The following ZNF827 variants were observed in gnomAD, a reference collection of about 807,000 sequenced individuals.
ZNF827 encodes the protein zinc finger protein 827.
Under a neutral mutation model 102.4 loss-of-function variants are expected in ZNF827, and 13 were observed. The observed-to-expected ratio is 0.13, with a 90% CI of 0.08 to 0.20. The LOEUF is 0.20. Among genes scored for constraint, ZNF827 ranks in the 10% least tolerant of loss-of-function variants. ZNF827 has a pLI of 1.00. For missense variants in ZNF827, 1,103 were observed against 1,344.4 expected (o/e 0.82, Z 2.81); for synonymous variants, 523 against 536.2 (o/e 0.98, Z 0.34).
At chr4:145,883,143 A>C (rs1183250883) in intron 4 of ZNF827, among the ~76,000 whole-genome samples, 2 of 152,130 alleles carry the variant, frequency 1.3e-5, no homozygotes, top group Non-Finnish European at 2.9e-5. Flanking sequence ...GCATTGCCAC[A>C]GTCACCAAGT....
chr4:145,760,835 G>C lies in ZNF827; in HGVS notation c.*781C>G, dbSNP rs546723275. Reference sequence around the variant, plus strand: ...AGATAGGCCAGGAAGGAGTGTTTGGGTGAGGGGATGCTGGGAGGCGCAGTC... The same window carrying C: ...AGATAGGCCAGGAAGGAGTGTTTGGCTGAGGGGATGCTGGGAGGCGCAGTC... On this transcript the variant is annotated 3_prime_UTR_variant, in exon 15 of 15. Transcript: ENST00000508784. 5 of 1,205,082 alleles carry C rather than the reference G, an allele frequency of 4.1e-6. No individual in the cohort carries two copies. In the South Asian group the frequency reaches 6.0e-5, roughly 15 times the overall value. The allele number at this position is 1,205,082 out of a possible 1,614,324, so 74.6% of individuals were successfully genotyped here. A position where few individuals can be genotyped will look rare whatever the true frequency, so the allele number is the denominator to read the frequency against.
chr4:145,872,262 A>C (rs1330018433), intron 4 of ZNF827, among the ~76,000 whole-genome samples: 2 of 152,238 alleles, frequency 1.3e-5, no homozygotes, highest in East Asian at 3.9e-4. Context: ...AAATGAGGTC[A>C]TAAGAGTGGA....
chr4:145,766,780 C>A (rs1439333787), intron 11 of ZNF827, among the ~76,000 whole-genome samples: 1 of 152,116 alleles, frequency 6.6e-6, no homozygotes, highest in African/African-American at 2.4e-5. Context: ...AGAAATAATG[C>A]CTGTTTCCAC....
intron 2 of ZNF827, among the ~76,000 whole-genome samples, chr4:145,893,105 G>A (rs1750731815): frequency 6.6e-6 from 1 of 152,142 alleles, no homozygotes; most frequent in Non-Finnish European, 1.5e-5. Flanking sequence ...TCCTCTGCAC[G>A]GTGACTGGGC....
chr4:145,848,948 T>TAGTTTGGGTGG (rs1746250504), intron 6 of ZNF827, among the ~76,000 whole-genome samples: 8 of 152,166 alleles, frequency 5.3e-5, no homozygotes, highest in African/African-American at 1.7e-4. Flanking sequence ...TCATAGTAAT[T>TAGTTTGGGTGG]CAGTCACTGT....
chr4:145,776,751 A>G lies in ZNF827; in HGVS notation c.2522-791T>C, dbSNP rs200825426. Among the ~76,000 whole-genome samples, 3 of 152,240 alleles carry G rather than the reference A, an allele frequency of 2.0e-5. No homozygotes were observed. The East Asian group carries it at 5.8e-4, about 29-fold the overall frequency. ...CTAAGCTCCTGGCCTGGGTCGGCCA[A>G]GAAATAAAAAAACTAATGAAATTAA... On this transcript the variant is annotated intron_variant, in intron 9 of 14. Transcript: ENST00000508784.
At chr4:145,916,522 C>A (rs1266411780) in intron 1 of ZNF827, among the ~76,000 whole-genome samples, 1 of 152,152 alleles carries the variant, frequency 6.6e-6, no homozygotes, top group Non-Finnish European at 1.5e-5. Context: ...GGAAGGGGAG[C>A]ACTGGTGATT....
chr4:145,796,623 CTTTTTTTTT>C (rs34553120), intron 8 of ZNF827, among the ~76,000 whole-genome samples: 3 of 113,928 alleles, frequency 2.6e-5, no homozygotes, highest in African/African-American at 1.1e-4. Context: ...ATTTGTTCCT[CTTTTTTTTT>C]TTTTTTTTTT....
chr4:145,797,889 T>C (rs980702047), intron 8 of ZNF827, among the ~76,000 whole-genome samples: 1 of 152,212 alleles, frequency 6.6e-6, no homozygotes, highest in Admixed American at 6.5e-5. Context: ...TGGCCCAAGT[T>C]AGTCTGAATA....
rs185469200 is a variant in ZNF827 at position 145,856,310 on chromosome 4, T to C, written c.1982-6749A>G. ...GTGTCTCCAGCCAAGACAAGTTTTA[T>C]GTTCTATAAAGGATCGGCTTATTAT... On this transcript the variant is annotated intron_variant, in intron 5 of 14. Coordinates refer to ENST00000508784, the MANE Select transcript of ZNF827 (RefSeq NM_001306215.2). Among the ~76,000 whole-genome samples the C allele has an allele frequency of 1.8e-3, 271 of 152,332 alleles. 1 individual carries two copies. The highest frequency in any genetic ancestry group is 6.1e-3 in the African/African-American group (254 of 41,584).
Position 145,902,043 on chromosome 4 carries a change from C to CTTACTTAAAGTA in ZNF827, c.1093+122_1093+123insTACTTTAAGTAA. The CTTACTTAAAGTA allele has an allele frequency of 7.9e-7, 1 of 1,272,104 alleles. No homozygotes were observed. 78.8% of individuals were successfully genotyped at this position (1,272,104 alleles called of 1,614,324 possible). A position where few individuals can be genotyped will look rare whatever the true frequency, so the allele number is the denominator to read the frequency against. ...GCTTACTTAAAGTATTTTTGTTGTGCTCTTGCTTTTTTATTCCTGCCTCAG... is the reference window on the plus strand; with the variant it reads ...GCTTACTTAAAGTATTTTTGTTGTGCTTACTTAAAGTATCTTGCTTTTTTATTCCTGCCTCAG... On this transcript the variant is annotated intron_variant, in intron 2 of 14. Transcript: ENST00000508784. The surrounding 1 kb of genome is among the most constrained non-coding windows in gnomAD (Gnocchi z 4.3).
chr4:145,905,167 T>A (rs1751743632), intron 1 of ZNF827, among the ~76,000 whole-genome samples: 1 of 152,240 alleles, frequency 6.6e-6, no homozygotes, highest in African/African-American at 2.4e-5. Context: ...ATCTACATAT[T>A]CCACACTGTG....
chr4:145,854,708 G>T (rs536686276), intron 5 of ZNF827, among the ~76,000 whole-genome samples: 24 of 152,256 alleles, frequency 1.6e-4, no homozygotes, highest in Non-Finnish European at 3.4e-4. Flanking sequence ...CTTATCTTTT[G>T]TTATGTGCTC....
intron 5 of ZNF827, among the ~76,000 whole-genome samples, chr4:145,864,241 A>T (rs992687092): frequency 2.0e-5 from 3 of 151,786 alleles, no homozygotes; most frequent in Admixed American, 2.0e-4. Flanking sequence ...CATTAAAATC[A>T]GTCTAGAAAT....
chr4:145,862,898 G>C (rs1344203992), intron 5 of ZNF827, among the ~76,000 whole-genome samples: 1 of 152,044 alleles, frequency 6.6e-6, no homozygotes, highest in Non-Finnish European at 1.5e-5. Context: ...AGATAAAATG[G>C]ACCTCATCAA....
At chr4:145,821,569 T>C (rs1474235208) in intron 8 of ZNF827, among the ~76,000 whole-genome samples, 1 of 151,878 alleles carries the variant, frequency 6.6e-6, no homozygotes, top group Admixed American at 6.5e-5. Context: ...ACAAAAAAAG[T>C]CTTTTTTTTT....
At chr4:145,840,678 AG>A (rs1745325744) in intron 7 of ZNF827, among the ~76,000 whole-genome samples, 1 of 152,214 alleles carries the variant, frequency 6.6e-6, no homozygotes, top group Admixed American at 6.5e-5. Context: ...TTACTTTTTA[AG>A]GTAATATAGC....
chr4:145,872,308 C>A (rs1422368732), intron 4 of ZNF827, among the ~76,000 whole-genome samples: 1 of 151,900 alleles, frequency 6.6e-6, no homozygotes, highest in Non-Finnish European at 1.5e-5. Context: ...ATTAAAGAAC[C>A]AGAAGAATAA....
At chr4:145,838,904 GA>G (rs1745147676) in intron 7 of ZNF827, among the ~76,000 whole-genome samples, 1 of 151,912 alleles carries the variant, frequency 6.6e-6, no homozygotes, top group Non-Finnish European at 1.5e-5. Flanking sequence ...TTTTACTTTT[GA>G]AAAGACTCGG....
Sources: allele counts gnomAD v4.1 joint callset (sites outside exome capture counted in the v4.1 genomes callset), GRCh38; gene constraint gnomAD v4.1.1; non-coding constraint Gnocchi (gnomAD v3.1); transcripts MANE v1.5; gene names NCBI Gene and HGNC (gene_info 2026-07-23, HGNC 2026-07-21).